HORMAD1: variants seen among roughly 807,000 people sequenced by gnomAD.
HORMAD1 encodes the protein HORMA domain-containing protein 1.
Under a neutral mutation model 58.2 loss-of-function variants are expected in HORMAD1, and 33 were observed. The ratio of observed to expected loss-of-function variants is 0.57; its 90% CI spans 0.43 to 0.76. The LOEUF (loss-of-function observed/expected upper bound fraction) is 0.76, where lower values mean the gene tolerates loss of function less well. Among genes scored for constraint, HORMAD1 ranks in the 30% least tolerant of loss-of-function variants. The pLI, the probability that HORMAD1 is intolerant of heterozygous loss-of-function variation, is 0.00. For synonymous variants in HORMAD1, 137 were observed against 144.6 expected (o/e 0.95, Z 0.38); for missense variants, 363 against 462.0 (o/e 0.79, Z 1.96).
chr1:150,717,772 A>G (rs2101890996), intron 2 of HORMAD1, among the ~76,000 whole-genome samples: 1 of 152,232 alleles, frequency 6.6e-6, no homozygotes, highest in Non-Finnish European at 1.5e-5. Context: ...TCTACTAAAA[A>G]TACAAAAATT....
At chr1:150,717,822 C>T (rs1267554915) in intron 2 of HORMAD1, among the ~76,000 whole-genome samples, 1 of 152,062 alleles carries the variant, frequency 6.6e-6, no homozygotes, top group African/African-American at 2.4e-5. Flanking sequence ...CCCAGCTACT[C>T]TTGTAATCCC....
chr1:150,720,068 A>ATATT (rs1652202023), intron 1 of HORMAD1, among the ~76,000 whole-genome samples: 1 of 62,134 alleles, frequency 1.6e-5, no homozygotes, highest in African/African-American at 4.9e-5. Flanking sequence ...TGCCCACCAT[A>ATATT]TATATATATA....
chr1:150,709,849 A>G (rs937988935), intron 7 of HORMAD1, among the ~76,000 whole-genome samples: 3 of 152,170 alleles, frequency 2.0e-5, no homozygotes, highest in Non-Finnish European at 2.9e-5. Flanking sequence ...TCTTTACTCC[A>G]CTGAGATGTT....
intron 3 of HORMAD1, among the ~76,000 whole-genome samples, chr1:150,716,351 G>A (rs1343368082): frequency 6.6e-6 from 1 of 151,200 alleles, no homozygotes; most frequent in African/African-American, 2.4e-5. Context: ...TAGTAGAGAC[G>A]GGGTTTCACC....
At chr1:150,717,956 T>C (rs1159134603) in intron 2 of HORMAD1, among the ~76,000 whole-genome samples, 1 of 152,136 alleles carries the variant, frequency 6.6e-6, no homozygotes, top group African/African-American at 2.4e-5. Flanking sequence ...AAAAAAAAAG[T>C]ATATAATCAT....
intron 3 of HORMAD1, among the ~76,000 whole-genome samples, chr1:150,716,619 T>C (rs766267960): frequency 1.3e-5 from 2 of 151,906 alleles, no homozygotes; most frequent in Non-Finnish European, 2.9e-5. Context: ...TGAAGAAATG[T>C]TCTAAAATTG....
At chr1:150,708,523 TG>T (rs1481578398) in intron 8 of HORMAD1, 116 bp from the exon 9 acceptor site, 1 of 593,182 alleles carries the variant, frequency 1.7e-6, no homozygotes, top group Non-Finnish European at 2.7e-6. Flanking sequence ...GCTGTTAACT[TG>T]AAAGTTACCA....
intron 3 of HORMAD1, 141 bp downstream of exon 3, chr1:150,716,997 C>T (rs1652101447): frequency 2.9e-6 from 1 of 339,628 alleles, no homozygotes; most frequent in Non-Finnish European, 5.3e-6. Context: ...ACACTTTAAA[C>T]AAGTGAACTG....
chr1:150,716,725 A>T (rs1652089855), intron 3 of HORMAD1, among the ~76,000 whole-genome samples: 1 of 151,670 alleles, frequency 6.6e-6, no homozygotes, highest in Non-Finnish European at 1.5e-5. Context: ...CCACTTTGGG[A>T]GGCCGAGGCG....
At chr1:150,717,680 C>T (rs912804870) in intron 2 of HORMAD1, among the ~76,000 whole-genome samples, 3 of 152,138 alleles carry the variant, frequency 2.0e-5, no homozygotes, top group African/African-American at 4.8e-5. Context: ...CGCCTGTAAT[C>T]CCAGCACTTT....
At chr1:150,720,176 T>G (rs2101895719) in intron 1 of HORMAD1, among the ~76,000 whole-genome samples, 1 of 152,150 alleles carries the variant, frequency 6.6e-6, no homozygotes, top group Non-Finnish European at 1.5e-5. Flanking sequence ...TGGGTTCAAG[T>G]GATTCTCCTG....
chr1:150,709,125 G>T, intron 7 of HORMAD1, 164 bp from the exon 8 acceptor site: 1 of 597,372 alleles, frequency 1.7e-6, no homozygotes, highest in South Asian at 2.0e-5. Flanking sequence ...AGTTTTCATG[G>T]TTTGGGTTTG....
intron 10 of HORMAD1, among the ~76,000 whole-genome samples, chr1:150,704,809 G>A (rs1279140751): frequency 6.6e-6 from 1 of 151,956 alleles, no homozygotes; most frequent in Admixed American, 6.6e-5. Context: ...TTGGGAGGCT[G>A]AGGTGGGCAG....
Position 150,700,114 on chromosome 1 carries a change from T to G in HORMAD1, c.1102A>C (p.Ile368Leu). The change falls in exon 14 of 15, where the codon ATA (isoleucine) becomes CTA (leucine). Residue 368 changes from isoleucine to leucine, a missense_variant and splice_region_variant. This residue lies in a region of HORMAD1 where 226 missense variants were observed against 257.8 expected (regional missense o/e 0.88). Transcript: ENST00000361824. ...CTATACATTATCATAAGACTTACTA[T>G]TCTCCCAGATTCATGTTGACTTCTC... Reference protein sequence around the residue: ...RKRSQHESGRIVLHHFDSSSQ... With the variant: ...RKRSQHESGRLVLHHFDSSSQ... The G allele has an allele frequency of 6.9e-7, 1 of 1,456,412 alleles. No individual in the cohort carries two copies. The highest frequency in any genetic ancestry group is 9.6e-7 in the Non-Finnish European group (1 of 1,037,100). The allele number at this position is 1,456,412 out of a possible 1,614,324, so 90.2% of individuals were successfully genotyped here. A position where few individuals can be genotyped will look rare whatever the true frequency, so the allele number is the denominator to read the frequency against.
chr1:150,719,479 A>G lies in HORMAD1; in HGVS notation c.27T>C (p.Thr9=). The change falls in exon 2 of 15, where the codon ACT becomes ACC. Residue 9 remains threonine (T), a synonymous_variant. Transcript: ENST00000361824. MATAQLQR[T]PMSALVFPNK... is the part of the protein sequence containing the mutation. ...AAAATACAAGAAATCATACCATGGG[A>G]GTCCTCTGCAACTGGGCAGTGGCCA... The G allele has an allele frequency of 6.3e-7, 1 of 1,575,044 alleles. No individual in the cohort carries two copies. Among genetic ancestry groups the G allele is most frequent in the East Asian group, 2.3e-5 (1 of 44,328 alleles).
In HORMAD1 at chr1:150,698,699, T is replaced by C. The variant is rs747503346; in HGVS notation, c.1140A>G (p.Ser380=). ...LHHFDSSSQE[S]VPKRRKFSEP... ...CACTAAACTTTCTCCTTTTTGGCAC[T>C]GACTCTTGACTAGAAGAATCAAAGT... The change falls in exon 15 of 15, where the codon TCA becomes TCG. Residue 380 remains serine (S), a synonymous_variant. Transcript: ENST00000361824. The C allele has an allele frequency of 2.5e-6, 4 of 1,602,554 alleles. No individual in the cohort carries two copies. Among genetic ancestry groups the C allele is most frequent in the Non-Finnish European group, 3.4e-6 (4 of 1,171,054 alleles).
intron 2 of HORMAD1, among the ~76,000 whole-genome samples, chr1:150,718,076 C>T (rs1317087847): frequency 6.6e-6 from 1 of 151,844 alleles, no homozygotes; most frequent in African/African-American, 2.4e-5. Flanking sequence ...TTTGGGACAC[C>T]CATATAAAGT....
At chr1:150,702,163 A>G (rs1401895508) in intron 13 of HORMAD1, among the ~76,000 whole-genome samples, 1 of 152,224 alleles carries the variant, frequency 6.6e-6, no homozygotes, top group East Asian at 1.9e-4. Context: ...GCCAACAAAC[A>G]TATGAAAAAC....
At position 150,714,686 on chromosome 1, in the gene HORMAD1, C is replaced by CA; in HGVS notation, c.179-9dup. The CA allele has an allele frequency of 7.0e-7, 1 of 1,422,088 alleles. No individual in the cohort carries two copies. Among genetic ancestry groups the CA allele is most frequent in the South Asian group, 1.4e-5 (1 of 71,180 alleles). The allele number at this position is 1,422,088 out of a possible 1,614,324, so 88.1% of individuals were successfully genotyped here. ...GTATTTTGACACAAAGATCTAAACA[C>CA]AAAAATGATGAAATATAGAGTTACT... On this transcript the variant is annotated splice_polypyrimidine_tract_variant and intron_variant, in intron 3 of 14. Coordinates refer to ENST00000361824, the MANE Select transcript of HORMAD1 (RefSeq NM_032132.5).
Sources: allele counts gnomAD v4.1 joint callset (sites outside exome capture counted in the v4.1 genomes callset), GRCh38; gene constraint gnomAD v4.1.1; regional missense constraint gnomAD v4.1.1; transcripts MANE v1.5; gene names NCBI Gene and HGNC (gene_info 2026-07-23, HGNC 2026-07-21).